ANK2: variants seen among roughly 807,000 people sequenced by gnomAD.
ANK2 encodes ankyrin 2.
A neutral mutation model predicts 360.5 loss-of-function variants in ANK2; 83 were observed. The observed-to-expected ratio is 0.23, with a 90% CI of 0.19 to 0.28. The LOEUF (loss-of-function observed/expected upper bound fraction) is 0.28. ANK2 is among the 10% of genes least tolerant of loss of function. ANK2 has a pLI of 1.00. For synonymous variants in ANK2, 1,740 were observed against 1,759.5 expected, an observed-to-expected ratio of 0.99 and a Z score of 0.28; for missense variants, 4,201 against 4,795.7, an observed-to-expected ratio of 0.88 and a Z score of 3.66.
chr4:113,135,501 C>A (rs918855319), intron 1 of ANK2, among the ~76,000 whole-genome samples: 1 of 145,552 alleles, frequency 6.9e-6, no homozygotes, highest in South Asian at 2.2e-4. Flanking sequence ...GATGGCCAAA[C>A]CATAGAGCTG....
intron 23 of ANK2, among the ~76,000 whole-genome samples, chr4:113,307,535 G>A (rs1280113354): frequency 6.6e-6 from 1 of 150,440 alleles, no homozygotes; most frequent in Non-Finnish European, 1.5e-5. Context: ...AGCTCCCAGA[G>A]TAGCTGTGAC....
In ANK2 at chr4:113,318,756, A is replaced by G. The variant is rs1051176178; in HGVS notation, c.2900+136A>G. On this transcript the variant is annotated intron_variant, in intron 26 of 45. Transcript: ENST00000357077. ...CCCTTTGTTTAAACTTGTAAATAACATTGCTTTATCCAACATGGACTCTAT... is the reference window on the plus strand; with the variant it reads ...CCCTTTGTTTAAACTTGTAAATAACGTTGCTTTATCCAACATGGACTCTAT... 6.8e-6 allele frequency: 5 copies of G among 736,678 alleles called. No individual in the cohort carries two copies. In the Admixed American group the frequency reaches 1.0e-4, roughly 15 times the overall value. 45.6% of individuals were successfully genotyped at this position (736,678 alleles called of 1,614,324 possible). A position where few individuals can be genotyped will look rare whatever the true frequency, so the allele number is the denominator to read the frequency against.
Position 113,359,052 on chromosome 4 carries a change from TGAG to T in ANK2, c.10438_10440del (p.Glu3480del). 6.2e-7 allele frequency: 1 copy of T among 1,614,062 alleles called. No homozygotes were observed. The highest frequency in any genetic ancestry group is 8.5e-7 in the Non-Finnish European group (1 of 1,179,944). On this transcript the variant is annotated inframe_deletion, in exon 38 of 46. Transcript: ENST00000357077. ...TTTACAGAAATTCCATAGAATTCTTTGAGGAGATTAGTGATGAGGCTTCCAAAT... is the reference window on the plus strand; with the variant it reads ...TTTACAGAAATTCCATAGAATTCTTTGAGATTAGTGATGAGGCTTCCAAAT...
chr4:113,333,675 T>C (rs2092981553), intron 29 of ANK2, among the ~76,000 whole-genome samples: 1 of 152,232 alleles, frequency 6.6e-6, no homozygotes, highest in South Asian at 2.1e-4. Flanking sequence ...CATCTACCCA[T>C]AATTAGTAAG....
In ANK2 at chr4:112,940,292, C is replaced by T. The variant is rs145997780; in HGVS notation, c.21+35778C>T. Among the ~76,000 whole-genome samples the T allele has an allele frequency of 1.7e-3, 254 of 152,228 alleles. 3 individuals are homozygous for T. Among genetic ancestry groups the T allele is most frequent in the African/African-American group, 5.7e-3 (238 of 41,538 alleles). On this transcript the variant is annotated intron_variant, in intron 2 of 30. Coordinates refer to the ANK2 transcript ENST00000503271. ...TATTAAGAAAATGGTAAAGGAAAGT[C>T]AGATACGTATTAATTTGAGAAGCCG...
intron 2 of ANK2, among the ~76,000 whole-genome samples, chr4:113,189,325 G>A (rs983004276): frequency 2.0e-5 from 3 of 152,150 alleles, no homozygotes; most frequent in Non-Finnish European, 4.4e-5. Flanking sequence ...AGTCCAGCAT[G>A]CCAAATTTGG....
chr4:112,994,257 T>C (rs2047792643), intron 2 of ANK2, among the ~76,000 whole-genome samples: 1 of 152,244 alleles, frequency 6.6e-6, no homozygotes, highest in African/African-American at 2.4e-5. Context: ...TGTCATTGTT[T>C]TGATACTATC....
At chr4:112,983,703 G>A (rs1029693152) in intron 2 of ANK2, among the ~76,000 whole-genome samples, 2 of 151,812 alleles carry the variant, frequency 1.3e-5, no homozygotes, top group African/African-American at 4.8e-5. Context: ...TAGACAAAAA[G>A]AATTGAACTC....
intron 23 of ANK2, among the ~76,000 whole-genome samples, chr4:113,306,118 AG>A (rs1282815001): frequency 6.6e-6 from 1 of 152,212 alleles, no homozygotes. Context: ...CAGTGGTCAA[AG>A]GTGAGCATGA....
chr4:112,933,305 C>G (rs1224375552), intron 2 of ANK2, among the ~76,000 whole-genome samples: 2 of 152,032 alleles, frequency 1.3e-5, no homozygotes, highest in Middle Eastern at 3.2e-3. Context: ...TACAAGTCTC[C>G]CTCTGCTTTT....
At chr4:113,067,582 C>T (rs1287618326) in intron 1 of ANK2, among the ~76,000 whole-genome samples, 5 of 152,194 alleles carry the variant, frequency 3.3e-5, no homozygotes, top group Admixed American at 3.3e-4. Context: ...GTTGAAATCA[C>T]GAGTAATAAA....
chr4:113,243,954 C>T (rs1395391377), intron 9 of ANK2, among the ~76,000 whole-genome samples: 3 of 152,218 alleles, frequency 2.0e-5, no homozygotes, highest in Non-Finnish European at 4.4e-5. Flanking sequence ...AGATAGTTGA[C>T]TTTGTTCTTA....
At chr4:112,729,335 A>G in the ANK2 span, among the ~76,000 whole-genome samples, 1 of 152,190 alleles carries the variant, frequency 6.6e-6, no homozygotes, top group Non-Finnish European at 1.5e-5. Context: ...TCACTCTTGG[A>G]TATATATCCA....
At chr4:113,296,857 A>T (rs1233487584) in intron 22 of ANK2, among the ~76,000 whole-genome samples, 2 of 152,186 alleles carry the variant, frequency 1.3e-5, no homozygotes, top group East Asian at 1.9e-4. Context: ...TTGATCAACC[A>T]TCATCAATTA....
At chr4:113,085,878 A>C (rs11098187) in intron 1 of ANK2, among the ~76,000 whole-genome samples, 58,349 of 151,928 alleles carry the variant, frequency 0.38, 12,098 homozygotes, top group East Asian at 0.56. Context: ...ATTTTCTTGT[A>C]AAAGGAATAG....
chr4:112,887,169 A>G (rs1319421601), intron 1 of ANK2, among the ~76,000 whole-genome samples: 3 of 152,108 alleles, frequency 2.0e-5, no homozygotes. Flanking sequence ...GAGGCCAAGG[A>G]TTTGTATTTT....
intron 16 of ANK2, 103 bp downstream of exon 16, chr4:113,278,038 A>G: frequency 2.8e-6 from 3 of 1,087,948 alleles, no homozygotes; most frequent in Admixed American, 2.0e-5. Context: ...TGTGAGAGCA[A>G]CTGATGAAAC....
At chr4:113,304,982 G>T (rs1426643688) in intron 23 of ANK2, among the ~76,000 whole-genome samples, 2 of 152,086 alleles carry the variant, frequency 1.3e-5, no homozygotes, top group African/African-American at 4.8e-5. Context: ...CAAAATAATT[G>T]CTGGAGAATT....
chr4:113,121,634 C>A (rs777512161), intron 1 of ANK2, among the ~76,000 whole-genome samples: 12 of 151,910 alleles, frequency 7.9e-5, no homozygotes, highest in African/African-American at 1.5e-4. Flanking sequence ...CATTTTTTGT[C>A]ACAATTTTAT....
Sources: allele counts gnomAD v4.1 joint callset (sites outside exome capture counted in the v4.1 genomes callset), GRCh38; gene constraint gnomAD v4.1.1; transcripts MANE v1.5; gene names NCBI Gene and HGNC (gene_info 2026-07-23, HGNC 2026-07-21).